GLRA1: variants seen among roughly 807,000 people sequenced by gnomAD.
GLRA1 encodes the protein glycine receptor alpha 1.
In GLRA1, 37 loss-of-function variants were observed where a neutral mutation model predicts 48.3. The ratio of observed to expected loss-of-function variants is 0.77; its 90% CI spans 0.59 to 1.01. The LOEUF is 1.01. Among genes scored for constraint, GLRA1 ranks in the 50% least tolerant of loss-of-function variants. The pLI, the probability that GLRA1 is intolerant of heterozygous loss-of-function variation, is 0.00. For missense variants in GLRA1, 427 were observed against 571.0 expected, an observed-to-expected ratio of 0.75 and a Z score of 2.57; for synonymous variants, 196 against 210.7, an observed-to-expected ratio of 0.93 and a Z score of 0.60.
intron 3 of GLRA1, 45 bp from the exon 4 acceptor site, chr5:151,860,053 G>A (rs1304111712): frequency 6.8e-7 from 1 of 1,468,566 alleles, no homozygotes; most frequent in East Asian, 2.3e-5. Flanking sequence ...TAGGCCCAAG[G>A]ACATCAACTT....
At chr5:151,833,004 T>TAA (rs1397227194) in intron 7 of GLRA1, among the ~76,000 whole-genome samples, 1 of 152,040 alleles carries the variant, frequency 6.6e-6, no homozygotes, top group Non-Finnish European at 1.5e-5. Flanking sequence ...TCAACAATCT[T>TAA]AAAGAAAAGA....
At chr5:151,841,623 C>T (rs1763714262) in intron 7 of GLRA1, among the ~76,000 whole-genome samples, 1 of 151,930 alleles carries the variant, frequency 6.6e-6, no homozygotes, top group East Asian at 1.9e-4. Context: ...AATCAGATTA[C>T]TAAAAGAGTG....
Position 151,924,710 on chromosome 5 carries a change from C to A in GLRA1, c.-161G>T. On this transcript the variant is annotated 5_prime_UTR_variant, in exon 1 of 9. Transcript: ENST00000274576. ...GGGAGAGCCCCAGGGGAAATTGGAGCGAGGGGGTCGTAGATACCACGGACA... is the reference window on the plus strand; with the variant it reads ...GGGAGAGCCCCAGGGGAAATTGGAGAGAGGGGGTCGTAGATACCACGGACA... The A allele has an allele frequency of 2.9e-6, 2 of 695,804 alleles. No individual in the cohort carries two copies. The highest frequency in any genetic ancestry group is 5.3e-6 in the Non-Finnish European group (2 of 380,270). The allele number at this position is 695,804 out of a possible 1,614,324, so 43.1% of individuals were successfully genotyped here. A position where few individuals can be genotyped will look rare whatever the true frequency, so the allele number is the denominator to read the frequency against.
intron 7 of GLRA1, chr5:151,850,321 A>G: frequency 1.3e-6 from 2 of 1,573,586 alleles, no homozygotes; most frequent in South Asian, 1.1e-5. Context: ...AGCATGGGAG[A>G]TCATTTCTGG....
At chr5:151,838,062 G>A (rs1292206368) in intron 7 of GLRA1, among the ~76,000 whole-genome samples, 1 of 152,198 alleles carries the variant, frequency 6.6e-6, no homozygotes, top group Admixed American at 6.5e-5. Context: ...AGGAAGCCCA[G>A]ATGCTGGACT....
intron 7 of GLRA1, chr5:151,849,847 C>T: frequency 1.5e-6 from 2 of 1,371,358 alleles, no homozygotes; most frequent in Non-Finnish European, 1.9e-6. Context: ...AGCCACCATG[C>T]CTAGCCTAGA....
chr5:151,907,801 G>T (rs796316621), intron 1 of GLRA1, among the ~76,000 whole-genome samples: 6 of 152,340 alleles, frequency 3.9e-5, no homozygotes, highest in African/African-American at 1.4e-4. Context: ...ATGCTCAGAG[G>T]CAAGAGATGG....
At chr5:151,882,483 C>T (rs1325834478) in intron 3 of GLRA1, among the ~76,000 whole-genome samples, 2 of 152,156 alleles carry the variant, frequency 1.3e-5, no homozygotes, top group East Asian at 1.9e-4. Flanking sequence ...TTCCCAAAGC[C>T]ACTTTGAGTG....
intron 3 of GLRA1, among the ~76,000 whole-genome samples, chr5:151,884,383 C>T (rs567861472): frequency 1.3e-5 from 2 of 149,680 alleles, no homozygotes; most frequent in East Asian, 2.0e-4. Context: ...GAGCCGAGAT[C>T]GTGCCACTGC....
intron 7 of GLRA1, among the ~76,000 whole-genome samples, chr5:151,843,960 A>G (rs981556447): frequency 1.3e-5 from 2 of 152,210 alleles, no homozygotes; most frequent in African/African-American, 4.8e-5. Context: ...ACCTGGGGTC[A>G]GGAGTTTGAG....
intron 3 of GLRA1, among the ~76,000 whole-genome samples, chr5:151,868,940 A>G (rs1190480361): frequency 6.6e-6 from 1 of 152,134 alleles, no homozygotes; most frequent in Non-Finnish European, 1.5e-5. Context: ...ACACAATCAG[A>G]GCTACATTTG....
chr5:151,924,341 G>A (rs372230700), intron 1 of GLRA1, among the ~76,000 whole-genome samples, 153 bp downstream of exon 1: 19 of 151,122 alleles, frequency 1.3e-4, no homozygotes, highest in African/African-American at 4.6e-4. Context: ...GGGGTGGGAG[G>A]GGGGAGAAGG....
intron 1 of GLRA1, among the ~76,000 whole-genome samples, chr5:151,909,035 G>A (rs1395867117): frequency 6.6e-6 from 1 of 152,142 alleles, no homozygotes; most frequent in African/African-American, 2.4e-5. Context: ...TCCTCACAGG[G>A]TAGCTATAAA....
chr5:151,847,634 G>A (rs1581611312), intron 7 of GLRA1, among the ~76,000 whole-genome samples: 5 of 152,086 alleles, frequency 3.3e-5, no homozygotes, highest in Non-Finnish European at 2.9e-5. Context: ...CAGGAGAATC[G>A]CTTGAACCCG....
intron 1 of GLRA1, among the ~76,000 whole-genome samples, chr5:151,903,767 A>G (rs1254323050): frequency 6.6e-6 from 1 of 152,238 alleles, no homozygotes; most frequent in African/African-American, 2.4e-5. Context: ...GGTGCCATCC[A>G]CAGTTAAGAA....
Position 151,854,964 on chromosome 5 carries a change from A to G in GLRA1, c.697+76T>C, listed in dbSNP as rs143908767. The G allele has an allele frequency of 1.6e-3, 2,245 of 1,439,554 alleles. 5 individuals are homozygous for G. Among genetic ancestry groups the G allele is most frequent in the Middle Eastern group, 2.2e-3 (10 of 4,644 alleles). The allele number at this position is 1,439,554 out of a possible 1,614,324, so 89.2% of individuals were successfully genotyped here. On this transcript the variant is annotated intron_variant, in intron 6 of 8. Coordinates refer to ENST00000274576, the MANE Select transcript of GLRA1 (RefSeq NM_000171.4). ...AATCTTCATAAGATCTGTTGGATCA[A>G]TGATTGAATGTGTCTGAAATGACCT... is the stretch of plus-strand genomic sequence containing the variant.
chr5:151,899,053 G>T (rs1330566651), intron 1 of GLRA1, among the ~76,000 whole-genome samples: 1 of 152,136 alleles, frequency 6.6e-6, no homozygotes, highest in South Asian at 2.1e-4. Context: ...GGAGAGAAGA[G>T]AATGGGAAAT....
chr5:151,833,805 A>G (rs1312640261), intron 7 of GLRA1, among the ~76,000 whole-genome samples: 1 of 150,566 alleles, frequency 6.6e-6, no homozygotes, highest in Non-Finnish European at 1.5e-5. Context: ...GCAAAAAAAA[A>G]AAAAAAAAAA....
chr5:151,873,216 A>G (rs1002533339), intron 3 of GLRA1, among the ~76,000 whole-genome samples: 1 of 149,588 alleles, frequency 6.7e-6, no homozygotes, highest in Admixed American at 6.6e-5. Flanking sequence ...ATGGGTAGAA[A>G]TGGATTTTAG....
Sources: gnomAD v4.1 joint callset for allele counts (sites outside exome capture counted in the v4.1 genomes callset) on GRCh38, gnomAD v4.1.1 for gene constraint, MANE v1.5 for transcripts, NCBI Gene and HGNC (gene_info 2026-07-23, HGNC 2026-07-21) for gene names.